MCF2L: variants seen among roughly 807,000 people sequenced by gnomAD.
The protein encoded by MCF2L is MCF.2 cell line derived transforming sequence like.
A neutral mutation model predicts 153.4 loss-of-function variants in MCF2L; 97 were observed. The observed-to-expected ratio is 0.63, with a 90% CI of 0.54 to 0.75. The LOEUF (loss-of-function observed/expected upper bound fraction) is 0.75. MCF2L is among the 30% of genes least tolerant of loss of function. MCF2L has a pLI of 0.00. For synonymous variants in MCF2L, 659 were observed against 632.2 expected (o/e 1.04, Z -0.64); for missense variants, 1,347 against 1,495.2 (o/e 0.90, Z 1.64).
intron 27 of MCF2L, chr13:113,095,984 G>A (rs2035612713): frequency 2.7e-6 from 1 of 373,142 alleles, no homozygotes; most frequent in Non-Finnish European, 4.6e-6. Flanking sequence ...GGAGAGGGAG[G>A]GCAGAGGACG....
In MCF2L at chr13:112,908,914, C is replaced by T. The variant is rs188275542; in HGVS notation, c.169+6543C>T. Among the ~76,000 whole-genome samples, 1,065 of 152,008 alleles carry T rather than the reference C, an allele frequency of 7.0e-3. 17 individuals are homozygous for T. Among genetic ancestry groups the T allele is most frequent in the African/African-American group, 0.024 (998 of 41,440 alleles). Reference sequence around the variant, plus strand: ...CTAATTTTTGTATTTTTAGTAGAGACGGGGTTTCACCATGTTAGCCAGGAT... The same window carrying T: ...CTAATTTTTGTATTTTTAGTAGAGATGGGGTTTCACCATGTTAGCCAGGAT... On this transcript the variant is annotated intron_variant, in intron 2 of 29. Coordinates refer to the MCF2L transcript ENST00000375608.
chr13:112,977,241 G>C (rs2082247864), intron 1 of MCF2L, among the ~76,000 whole-genome samples: 2 of 152,126 alleles, frequency 1.3e-5, no homozygotes, highest in African/African-American at 4.8e-5. Flanking sequence ...GTATAAAATA[G>C]ACTCCCGGGG....
intron 5 of MCF2L, among the ~76,000 whole-genome samples, chr13:113,061,197 G>A (rs1224431630): frequency 6.6e-6 from 1 of 152,116 alleles, no homozygotes; most frequent in African/African-American, 2.4e-5. Context: ...TCCTGGAGCA[G>A]CCAACAGGGT....
chr13:113,083,611 G>C (rs1327220944), intron 17 of MCF2L, among the ~76,000 whole-genome samples: 1 of 152,236 alleles, frequency 6.6e-6, no homozygotes, highest in Non-Finnish European at 1.5e-5. Flanking sequence ...GCGCTGCCTA[G>C]GGCCAGGGCT....
chr13:112,996,904 C>A (rs924672583), intron 1 of MCF2L, among the ~76,000 whole-genome samples: 5 of 152,236 alleles, frequency 3.3e-5, no homozygotes, highest in Non-Finnish European at 1.5e-5. Context: ...GGCTTCACCA[C>A]CCCCATGAAA....
intron 26 of MCF2L, chr13:113,091,038 G>C: frequency 7.7e-7 from 1 of 1,293,640 alleles, no homozygotes; most frequent in African/African-American, 1.6e-5. Context: ...TCCAGCACGA[G>C]CGCGGGTCAG....
At chr13:113,073,867 A>T (rs1175336823) in intron 9 of MCF2L, among the ~76,000 whole-genome samples, 1 of 152,070 alleles carries the variant, frequency 6.6e-6, no homozygotes, top group African/African-American at 2.4e-5. Flanking sequence ...GTGAGCCAAG[A>T]TCACGCCACT....
intron 12 of MCF2L, among the ~76,000 whole-genome samples, 170 bp downstream of exon 12, chr13:113,076,327 C>G (rs957746106): frequency 3.3e-5 from 5 of 152,016 alleles, no homozygotes; most frequent in Non-Finnish European, 7.4e-5. Flanking sequence ...TGCAGTGGCA[C>G]GATCTTAGCT....
At position 113,079,615 on chromosome 13, in the gene MCF2L, G is replaced by A. The variant is rs1051355165; in HGVS notation, c.1808+876G>A. Among the ~76,000 whole-genome samples the A allele has an allele frequency of 2.6e-5, 4 of 152,204 alleles. No individual in the cohort carries two copies. The South Asian group carries it at 6.2e-4, about 24-fold the overall frequency. On this transcript the variant is annotated intron_variant, in intron 15 of 29. Coordinates refer to ENST00000535094, the MANE Select transcript of MCF2L (RefSeq NM_001112732.3). ...TGACCCTGCAGGGTTGGGAGACGGC[G>A]CAAAATTGGGAATTACAGGAAACTG... is the stretch of plus-strand genomic sequence containing the variant.
chr13:113,085,261 C>T (rs977986846), intron 20 of MCF2L, 83 bp downstream of exon 20: 8 of 1,190,832 alleles, frequency 6.7e-6, no homozygotes, highest in African/African-American at 3.0e-5. Flanking sequence ...CCGTCCCCAT[C>T]GCGCCCTGCC....
intron 2 of MCF2L, chr13:112,909,668 C>T: frequency 5.2e-6 from 1 of 190,608 alleles, no homozygotes; most frequent in Non-Finnish European, 1.1e-5. Flanking sequence ...CAGAGTCCTG[C>T]TCTGTTGCCC....
chr13:112,906,355 C>T (rs2081172750), intron 2 of MCF2L, among the ~76,000 whole-genome samples: 1 of 152,240 alleles, frequency 6.6e-6, no homozygotes, highest in African/African-American at 2.4e-5. Flanking sequence ...CACAGCTGTG[C>T]TGCAGGATTT....
chr13:113,064,480 C>A lies in MCF2L; in HGVS notation c.606+60C>A. 5.6e-6 allele frequency: 6 copies of A among 1,076,652 alleles called. No individual in the cohort carries two copies. The highest frequency in any genetic ancestry group is 1.5e-5 in the African/African-American group (1 of 65,090). 66.7% of individuals were successfully genotyped at this position (1,076,652 alleles called of 1,614,324 possible). ...ACCAGCTCGAGTACTTCCACAGAAT[C>A]GCTCTTGCATTACAACACGGCCCTT... On this transcript the variant is annotated intron_variant, in intron 6 of 29. Transcript: ENST00000535094. This position sits in a 1 kb window ranked among gnomAD's most constrained non-coding sequence, Gnocchi z 6.0.
At position 113,054,464 on chromosome 13, in the gene MCF2L, G is replaced by A. The variant is rs1384830869; in HGVS notation, c.370-6129G>A. The A allele has an allele frequency of 4.8e-5, 8 of 166,536 alleles. No individual in the cohort carries two copies. The highest frequency in any genetic ancestry group is 2.9e-5 in the Non-Finnish European group (2 of 68,120). 10.3% of individuals were successfully genotyped at this position (166,536 alleles called of 1,614,324 possible). A position where few individuals can be genotyped will look rare whatever the true frequency, so the allele number is the denominator to read the frequency against. On this transcript the variant is annotated intron_variant, in intron 4 of 29. Coordinates refer to ENST00000535094, the MANE Select transcript of MCF2L (RefSeq NM_001112732.3). This position sits in a 1 kb window ranked among gnomAD's most constrained non-coding sequence, Gnocchi z 5.2. The stretch of plus-strand genomic sequence containing the variant: ...TCCACGCCCATTGTTTTCCTCACCC[G>A]GTCCAGCGTCTCTGATTCCGGCTCT...
chr13:113,082,587 C>G (rs779269549), intron 17 of MCF2L, 45 bp downstream of exon 17: 1 of 1,363,420 alleles, frequency 7.3e-7, no homozygotes, highest in Non-Finnish European at 1.0e-6. Context: ...TGATCTCTTG[C>G]AGCTAATGGT....
At chr13:113,078,580 T>A in intron 14 of MCF2L, 86 bp from the exon 15 acceptor site, 1 of 1,427,108 alleles carries the variant, frequency 7.0e-7, no homozygotes. Flanking sequence ...CCTGTCCCCA[T>A]ACGGGAACTG....
At chr13:113,076,901 G>A in intron 12 of MCF2L, 151 bp from the exon 13 acceptor site, 1 of 889,552 alleles carries the variant, frequency 1.1e-6, no homozygotes, top group Admixed American at 2.9e-5. Context: ...AGTGGCCAGG[G>A]CTGGACACAG....
At chr13:113,039,770 TA>T (rs1253323282) in intron 3 of MCF2L, among the ~76,000 whole-genome samples, 2 of 152,234 alleles carry the variant, frequency 1.3e-5, no homozygotes, top group African/African-American at 4.8e-5. Flanking sequence ...CAAGAGTGGC[TA>T]AAATTCTACT....
chr13:112,968,670 G>T, upstream of MCF2L: 1 of 1,498,886 alleles, frequency 6.7e-7, no homozygotes, highest in Non-Finnish European at 8.9e-7. Flanking sequence ...GCGCTGGGCT[G>T]CTGCGGCCTC....
Sources: gnomAD v4.1 joint callset for allele counts (sites outside exome capture counted in the v4.1 genomes callset) on GRCh38, gnomAD v4.1.1 for gene constraint, Gnocchi (gnomAD v3.1) non-coding constraint, MANE v1.5 for transcripts, NCBI Gene and HGNC (gene_info 2026-07-23, HGNC 2026-07-21) for gene names.